Variants in LAMA3 observed in about 807,000 individuals in gnomAD.
LAMA3 encodes the protein laminin subunit alpha-3.
A neutral mutation model predicts 402.0 loss-of-function variants in LAMA3; 281 were observed. That is an observed-to-expected ratio of 0.70 (90% CI 0.63 to 0.77). The LOEUF (loss-of-function observed/expected upper bound fraction) is 0.77. Among genes scored for constraint, LAMA3 ranks in the 30% least tolerant of loss-of-function variants. The probability of loss-of-function intolerance (pLI) is 0.00; values close to 1 mark genes in which losing one functional copy is unlikely to be tolerated. For missense variants in LAMA3, 3,840 were observed against 4,215.5 expected (o/e 0.91, Z 2.47); for synonymous variants, 1,431 against 1,558.4 (o/e 0.92, Z 1.93).
Position 23,864,918 on chromosome 18 carries a change from T to C in LAMA3, c.4683+35T>C, listed in dbSNP as rs758875739. On this transcript the variant is annotated intron_variant, in intron 36 of 74. Transcript: ENST00000313654. ...AGAGCATGACCTAAGTGGCAGGAAG[T>C]GGCAGTTGCAGTTGGTGCTGATCTA... The C allele has an allele frequency of 2.2e-6, 3 of 1,363,628 alleles. No homozygotes were observed. The Admixed American group carries it at 5.0e-5, about 23-fold the overall frequency. The allele number at this position is 1,363,628 out of a possible 1,614,324, so 84.5% of individuals were successfully genotyped here.
rs2145181257 is a variant in LAMA3 at position 23,907,652 on chromosome 18, A to G, written c.6821A>G (p.His2274Arg). ...CTCACAACTCTCCGAGATGGTCTTC[A>G]TGGGATACAGAGAGGTCAGCATCTT... ...TNLTTLRDGL[H>R]GIQRGDIDAM... is the part of the protein sequence containing the mutation. Residue 2274 changes from histidine to arginine, a missense_variant, in exon 53 of 75, where the codon CAT becomes CGT. By Grantham distance (29) the His-to-Arg change is conservative. This residue lies in a region of LAMA3 where 891 missense variants were observed against 857.5 expected (regional missense o/e 1.04). Coordinates refer to ENST00000313654, the MANE Select transcript of LAMA3 (RefSeq NM_198129.4). 3.1e-6 allele frequency: 5 copies of G among 1,612,896 alleles called. No homozygotes were observed. The highest frequency in any genetic ancestry group is 1.3e-5 in the African/African-American group (1 of 75,016).
At chr18:23,786,048 A>T (rs1381376926) in intron 12 of LAMA3, among the ~76,000 whole-genome samples, 2 of 152,244 alleles carry the variant, frequency 1.3e-5, no homozygotes, top group African/African-American at 2.4e-5. Flanking sequence ...TCTTTTCAGT[A>T]AAACAGAAAT....
chr18:23,920,857 G>A (rs1599102270), intron 60 of LAMA3, 78 bp from the exon 61 acceptor site: 4 of 1,571,704 alleles, frequency 2.5e-6, no homozygotes, highest in Non-Finnish European at 8.7e-7. Flanking sequence ...GGGGGTCTGT[G>A]AGAGTAACGG....
intron 74 of LAMA3, 82 bp downstream of exon 74, chr18:23,953,191 C>G: frequency 1.3e-6 from 2 of 1,571,204 alleles, no homozygotes; most frequent in Non-Finnish European, 1.7e-6. Flanking sequence ...CAGGGCAGCT[C>G]TTGGCTGGAC....
At chr18:23,690,316 C>T (rs1008864186) in intron 1 of LAMA3, among the ~76,000 whole-genome samples, 9 of 152,220 alleles carry the variant, frequency 5.9e-5, no homozygotes, top group African/African-American at 2.2e-4. Flanking sequence ...GAGCGTCCCG[C>T]CAGGCTTGAG....
At position 23,847,343 on chromosome 18, in the gene LAMA3, A is replaced by T. The variant is rs17259479; in HGVS notation, c.3932-121A>T. 5 of 1,053,006 alleles carry T rather than the reference A, an allele frequency of 4.7e-6. No individual in the cohort carries two copies. The Admixed American group carries it at 7.7e-5, about 16-fold the overall frequency. 65.2% of individuals were successfully genotyped at this position (1,053,006 alleles called of 1,614,324 possible). On this transcript the variant is annotated intron_variant, in intron 31 of 74. Coordinates refer to ENST00000313654, the MANE Select transcript of LAMA3 (RefSeq NM_198129.4). ...CTTGACTCCAAGAAATGGGCCTTTC[A>T]GATCCAAATATTTCTCTCTGACCCT...
intron 7 of LAMA3, among the ~76,000 whole-genome samples, chr18:23,762,938 C>A (rs1195029560): frequency 1.3e-4 from 19 of 151,778 alleles, no homozygotes. Flanking sequence ...CTCACTGCAA[C>A]CTCCGCCTTC....
intron 64 of LAMA3, 110 bp from the exon 65 acceptor site, chr18:23,930,952 C>T: frequency 9.0e-7 from 1 of 1,106,220 alleles, no homozygotes; most frequent in African/African-American, 1.5e-5. Flanking sequence ...GCATTTGGGT[C>T]AAAACATCCT....
Position 23,912,894 on chromosome 18 carries a change from T to C in LAMA3, c.7329+13T>C. 1 of 1,608,698 alleles carries C rather than the reference T, an allele frequency of 6.2e-7. No individual in the cohort carries two copies. On this transcript the variant is annotated intron_variant, in intron 56 of 74. Transcript: ENST00000313654. ...TGGAAATAAAGATGTAAGTATTGCT[T>C]GGACATCTCTCTTGTTTTTGAAACA...
intron 34 of LAMA3, among the ~76,000 whole-genome samples, chr18:23,859,944 A>C (rs1009550817): frequency 6.6e-6 from 1 of 152,108 alleles, no homozygotes; most frequent in African/African-American, 2.4e-5. Context: ...GCCACCACTT[A>C]TCTCATTAGC....
intron 12 of LAMA3, among the ~76,000 whole-genome samples, chr18:23,805,314 C>A (rs191940018): frequency 6.6e-6 from 1 of 152,100 alleles, no homozygotes; most frequent in African/African-American, 2.4e-5. Flanking sequence ...ATAGATGAAT[C>A]GAATGGGCAA....
chr18:23,899,537 C>T, intron 47 of LAMA3, 82 bp downstream of exon 47: 2 of 1,368,362 alleles, frequency 1.5e-6, no homozygotes, highest in South Asian at 1.2e-5. Context: ...GTAGAGTTCC[C>T]CGTTATAGGT....
At chr18:23,947,731 A>G (rs1262035105) in intron 70 of LAMA3, among the ~76,000 whole-genome samples, 2 of 151,934 alleles carry the variant, frequency 1.3e-5, no homozygotes, top group South Asian at 2.1e-4. Context: ...CACATTATAT[A>G]TATAATATAC....
chr18:23,818,116 C>T (rs535082231), intron 18 of LAMA3, among the ~76,000 whole-genome samples: 1 of 152,328 alleles, frequency 6.6e-6, no homozygotes, highest in South Asian at 2.1e-4. Flanking sequence ...GATAGTGCCC[C>T]TGCACTCCAG....
chr18:23,837,561 A>G (rs920379794), intron 25 of LAMA3, among the ~76,000 whole-genome samples: 2 of 133,068 alleles, frequency 1.5e-5, no homozygotes, highest in African/African-American at 3.2e-5. Flanking sequence ...AATATCATTC[A>G]GTTAATCAGA....
chr18:23,763,493 T>C lies in LAMA3; in HGVS notation c.1152T>C (p.Tyr384=). Residue 384 remains tyrosine, a synonymous_variant, in exon 8 of 75, where the codon TAT becomes TAC. Transcript: ENST00000313654. ...QQASLNTQGI[Y]AGGGVCINCQ... ...CAAGCTTGAATACCCAGGGCATCTA[T>C]GCTGGTGGAGGGGTCTGCATTAACT... 1.2e-6 allele frequency: 2 copies of C among 1,612,390 alleles called. No individual in the cohort carries two copies. The highest frequency in any genetic ancestry group is 1.7e-6 in the Non-Finnish European group (2 of 1,178,386).
At chr18:23,876,963 C>T (rs1012854322) in intron 39 of LAMA3, among the ~76,000 whole-genome samples, 2 of 152,092 alleles carry the variant, frequency 1.3e-5, no homozygotes, top group African/African-American at 4.8e-5. Flanking sequence ...AGAGGTTGCA[C>T]TGAGCCGAGA....
intron 58 of LAMA3, 55 bp from the exon 59 acceptor site, chr18:23,915,234 A>G (rs1404744345): frequency 1.3e-5 from 21 of 1,584,544 alleles, no homozygotes; most frequent in Middle Eastern, 2.1e-4. Flanking sequence ...AATTGATACT[A>G]TTTTGATTAT....
At chr18:23,865,215 A>T (rs529330058) in intron 36 of LAMA3, among the ~76,000 whole-genome samples, 34 of 152,248 alleles carry the variant, frequency 2.2e-4, no homozygotes, top group Non-Finnish European at 3.4e-4. Context: ...GTTGGAGTTG[A>T]ACTCCTGGCC....
Sources: gnomAD v4.1 joint callset for allele counts (sites outside exome capture counted in the v4.1 genomes callset) on GRCh38, gnomAD v4.1.1 for gene constraint, gnomAD v4.1.1 regional missense constraint, MANE v1.5 for transcripts, NCBI Gene and HGNC (gene_info 2026-07-23, HGNC 2026-07-21) for gene names.